Variants in GRM8 observed in about 807,000 individuals in gnomAD.
The protein encoded by GRM8 is metabotropic glutamate receptor 8.
Under a neutral mutation model 87.2 loss-of-function variants are expected in GRM8, and 47 were observed. The observed-to-expected ratio is 0.54, with a 90% CI of 0.43 to 0.69. The LOEUF (loss-of-function observed/expected upper bound fraction) is 0.69, where lower values mean the gene tolerates loss of function less well. Ranked by LOEUF, GRM8 falls within the 30% of genes least tolerant of loss-of-function variation. The pLI is 0.00. For missense variants in GRM8, 1,019 were observed against 1,139.2 expected, an observed-to-expected ratio of 0.89 and a Z score of 1.52; for synonymous variants, 396 against 404.5, an observed-to-expected ratio of 0.98 and a Z score of 0.25.
At chr7:126,928,911 G>T (rs1162044947) in intron 3 of GRM8, among the ~76,000 whole-genome samples, 1 of 152,154 alleles carries the variant, frequency 6.6e-6, no homozygotes, top group African/African-American at 2.4e-5. Flanking sequence ...CAGAACCTCA[G>T]GTCCAATCTG....
intron 7 of GRM8, among the ~76,000 whole-genome samples, chr7:126,624,288 C>G (rs138097897): frequency 5.4e-4 from 82 of 152,238 alleles, no homozygotes; most frequent in African/African-American, 1.6e-3. Context: ...TCCTTCCAAC[C>G]TGGTCTTCTT....
chr7:126,627,288 G>T (rs1585275692), intron 7 of GRM8, among the ~76,000 whole-genome samples: 1 of 152,226 alleles, frequency 6.6e-6, no homozygotes, highest in Non-Finnish European at 1.5e-5. Flanking sequence ...AACTGGGAAG[G>T]TGATGTTATT....
chr7:127,119,696 A>C (rs1826919044), intron 2 of GRM8, among the ~76,000 whole-genome samples: 1 of 152,214 alleles, frequency 6.6e-6, no homozygotes, highest in Non-Finnish European at 1.5e-5. Context: ...TCATGAGCCC[A>C]GTTCAGTCTG....
At chr7:126,773,383 T>A (rs993917632) in intron 6 of GRM8, among the ~76,000 whole-genome samples, 1 of 152,114 alleles carries the variant, frequency 6.6e-6, no homozygotes. Flanking sequence ...AATGAAGCAA[T>A]GACCACAAGA....
intron 7 of GRM8, among the ~76,000 whole-genome samples, chr7:126,716,190 C>G (rs1367859215): frequency 1.3e-5 from 2 of 151,732 alleles, no homozygotes; most frequent in East Asian, 3.9e-4. Context: ...TTTTTTCTCT[C>G]TCTAAAATGC....
chr7:126,687,031 A>G (rs1808262481), intron 7 of GRM8, among the ~76,000 whole-genome samples: 1 of 152,232 alleles, frequency 6.6e-6, no homozygotes, highest in Admixed American at 6.5e-5. Context: ...AATACAATAC[A>G]TACACAGAAA....
In GRM8 at chr7:126,725,825, C is replaced by T. The variant is rs558028892; in HGVS notation, c.1357+44040G>A. Among the ~76,000 whole-genome samples the T allele has an allele frequency of 2.6e-5, 4 of 152,216 alleles. No homozygotes were observed. In the South Asian group the frequency reaches 8.3e-4, roughly 32 times the overall value. On this transcript the variant is annotated intron_variant, in intron 7 of 10. Transcript: ENST00000339582. ...GGAACAAGCATATCACACGGCCAGACTAGGAGTAAAGGAGATTGGGTTGGA... is the reference window on the plus strand; with the variant it reads ...GGAACAAGCATATCACACGGCCAGATTAGGAGTAAAGGAGATTGGGTTGGA...
chr7:126,895,236 T>A (rs1258007341), intron 6 of GRM8, among the ~76,000 whole-genome samples: 1 of 152,124 alleles, frequency 6.6e-6, no homozygotes, highest in Non-Finnish European at 1.5e-5. Flanking sequence ...TGACAATGTA[T>A]AGGTCAAGTC....
chr7:126,860,940 T>C (rs952974102), intron 6 of GRM8, among the ~76,000 whole-genome samples: 3 of 152,154 alleles, frequency 2.0e-5, no homozygotes, highest in African/African-American at 7.2e-5. Flanking sequence ...TAATGAAGAA[T>C]CCATTTCGTA....
rs533487378 is a variant in GRM8 at position 126,826,952 on chromosome 7, C to T, written c.1157-56887G>A. 7.1e-4 allele frequency among the ~76,000 whole-genome samples: 108 copies of T among 152,328 alleles called. 1 individual carries two copies. The highest frequency in any genetic ancestry group is 2.2e-3 in the African/African-American group (92 of 41,576). Reference sequence around the variant, plus strand: ...CCATATGGCTAACCAGTTTTCCCAGCACCGTTTATTAAATAGGGAATCCTT... The same window carrying T: ...CCATATGGCTAACCAGTTTTCCCAGTACCGTTTATTAAATAGGGAATCCTT... On this transcript the variant is annotated intron_variant, in intron 6 of 10. Transcript: ENST00000339582.
chr7:126,642,960 A>G (rs1802567802), intron 7 of GRM8, among the ~76,000 whole-genome samples: 1 of 152,076 alleles, frequency 6.6e-6, no homozygotes, highest in Admixed American at 6.5e-5. Flanking sequence ...GCACATAGGA[A>G]GTGCTTAATA....
intron 9 of GRM8, among the ~76,000 whole-genome samples, chr7:126,454,478 C>T (rs189478091): frequency 1.3e-3 from 200 of 150,690 alleles, no homozygotes; most frequent in African/African-American, 4.5e-3. Context: ...GGTGCTTTTG[C>T]GGAGGCACAT....
At chr7:126,566,966 T>G (rs1379847612) in intron 8 of GRM8, among the ~76,000 whole-genome samples, 1 of 152,178 alleles carries the variant, frequency 6.6e-6, no homozygotes, top group Non-Finnish European at 1.5e-5. Flanking sequence ...CTATGTGGAA[T>G]CTAAAGAAGT....
intron 8 of GRM8, among the ~76,000 whole-genome samples, chr7:126,592,459 T>C (rs936498757): frequency 2.6e-5 from 4 of 151,970 alleles, no homozygotes; most frequent in Non-Finnish European, 4.4e-5. Flanking sequence ...ATCTTAGGGA[T>C]ACAAGGATGG....
intron 6 of GRM8, among the ~76,000 whole-genome samples, chr7:126,883,430 A>G (rs1294999018): frequency 2.0e-5 from 3 of 152,180 alleles, no homozygotes; most frequent in Non-Finnish European, 4.4e-5. Context: ...ATAAGAAGAC[A>G]TATGGAATTT....
intron 3 of GRM8, among the ~76,000 whole-genome samples, chr7:126,936,697 C>A (rs997359345): frequency 6.6e-6 from 1 of 152,124 alleles, no homozygotes; most frequent in African/African-American, 2.4e-5. Flanking sequence ...TTCCTGCAGA[C>A]TGGAATGTGA....
chr7:127,248,852 T>C (rs1694892615), intron 1 of GRM8, among the ~76,000 whole-genome samples: 1 of 152,116 alleles, frequency 6.6e-6, no homozygotes, highest in African/African-American at 2.4e-5. Context: ...CAAGCCTATA[T>C]GGAGAGCACA....
chr7:126,745,858 A>G (rs1300945077), intron 7 of GRM8, among the ~76,000 whole-genome samples: 1 of 151,840 alleles, frequency 6.6e-6, no homozygotes, highest in Non-Finnish European at 1.5e-5. Flanking sequence ...AAAGCTATTT[A>G]GAATTACGTG....
At chr7:127,197,209 T>A (rs1435135148) in intron 2 of GRM8, among the ~76,000 whole-genome samples, 1 of 152,206 alleles carries the variant, frequency 6.6e-6, no homozygotes, top group Non-Finnish European at 1.5e-5. Context: ...TTCTCAAGAT[T>A]TCTAACTAAT....
Sources: gnomAD v4.1 joint callset for allele counts (sites outside exome capture counted in the v4.1 genomes callset) on GRCh38, gnomAD v4.1.1 for gene constraint, MANE v1.5 for transcripts, NCBI Gene and HGNC (gene_info 2026-07-23, HGNC 2026-07-21) for gene names.